SENP5: variants seen among roughly 807,000 people sequenced by gnomAD.
SENP5 encodes the protein SUMO specific peptidase 5, also known as sentrin-specific protease 5.
SENP5 carries 21 observed loss-of-function variants against 74.2 expected under a neutral mutation model. That is an observed-to-expected ratio of 0.28 (90% CI 0.20 to 0.41). The LOEUF (loss-of-function observed/expected upper bound fraction) is 0.41, where lower values mean the gene tolerates loss of function less well. SENP5 is among the 10% of genes least tolerant of loss of function. The pLI, the probability that SENP5 is intolerant of heterozygous loss-of-function variation, is 1.00. For missense variants in SENP5, 717 were observed against 889.1 expected, an observed-to-expected ratio of 0.81 and a Z score of 2.46; for synonymous variants, 311 against 312.7, an observed-to-expected ratio of 0.99 and a Z score of 0.06.
At position 196,874,335 on chromosome 3, in the gene SENP5, T is replaced by G. The variant is rs80310351; in HGVS notation, c.-32+6262T>G. On this transcript the variant is annotated intron_variant, in intron 1 of 9. Coordinates refer to ENST00000323460, the MANE Select transcript of SENP5 (RefSeq NM_152699.5). ...GCTTTACCCAGGCTTCTTGAACAAT[T>G]TTTATATATCGCCTTTTTTGTTCCA... Among the ~76,000 whole-genome samples, 186 of 151,646 alleles carry G rather than the reference T, an allele frequency of 1.2e-3. 6 individuals carry two copies. The East Asian group carries it at 0.03, about 25-fold the overall frequency.
In SENP5 at chr3:196,932,073, TCTC is replaced by T. The variant is rs1256452809; in HGVS notation, c.*1153_*1155del. 1.1e-5 allele frequency: 3 copies of T among 262,560 alleles called. No individual in the cohort carries two copies. The highest frequency in any genetic ancestry group is 5.6e-5 in the Admixed American group (1 of 17,706). The allele number at this position is 262,560 out of a possible 1,614,324, so 16.3% of individuals were successfully genotyped here. On this transcript the variant is annotated 3_prime_UTR_variant, in exon 10 of 10. Transcript: ENST00000323460. ...GTGCTGACACTAGCACAGCTGTTCTTCTCCTTCTGTTGAACCTCATCTTCTGAA... is the reference window on the plus strand; with the variant it reads ...GTGCTGACACTAGCACAGCTGTTCTTCTTCTGTTGAACCTCATCTTCTGAA...
At chr3:196,883,943 C>T (rs1464745936) in intron 1 of SENP5, among the ~76,000 whole-genome samples, 6 of 152,156 alleles carry the variant, frequency 3.9e-5, no homozygotes, top group South Asian at 2.1e-4. Flanking sequence ...CCATCTGCTT[C>T]GGCTTCCCAA....
At chr3:196,897,382 C>T (rs1384492054) in intron 2 of SENP5, among the ~76,000 whole-genome samples, 1 of 152,158 alleles carries the variant, frequency 6.6e-6, no homozygotes, top group Non-Finnish European at 1.5e-5. Flanking sequence ...TTATCTGATA[C>T]CCTGATGAAG....
intron 1 of SENP5, among the ~76,000 whole-genome samples, chr3:196,870,762 TC>T (rs1372687160): frequency 6.6e-6 from 1 of 151,866 alleles, no homozygotes; most frequent in Non-Finnish European, 1.5e-5. Flanking sequence ...AAGTGATCTC[TC>T]CGTCTCAGCC....
Position 196,923,008 on chromosome 3 carries a change from C to T in SENP5, c.1885-406C>T, listed in dbSNP as rs547842114. 3.3e-5 allele frequency among the ~76,000 whole-genome samples: 5 copies of T among 152,298 alleles called. No individual in the cohort carries two copies. The South Asian group carries it at 8.3e-4, about 25-fold the overall frequency. On this transcript the variant is annotated intron_variant, in intron 6 of 9. Coordinates refer to ENST00000323460, the MANE Select transcript of SENP5 (RefSeq NM_152699.5). ...GCTCAAGCAGTTTTTCCGCCTCAGC[C>T]TCCCAATGTACTGGGATTACAGGTG...
intron 6 of SENP5, among the ~76,000 whole-genome samples, chr3:196,911,080 A>T (rs998134035): frequency 6.6e-6 from 1 of 152,246 alleles, no homozygotes; most frequent in South Asian, 2.1e-4. Flanking sequence ...AAGATGAATT[A>T]AAGACTTAAT....
intron 2 of SENP5, 56 bp downstream of exon 2, chr3:196,886,750 T>C: frequency 7.2e-7 from 1 of 1,388,572 alleles, no homozygotes; most frequent in South Asian, 1.5e-5. Flanking sequence ...TGCTGTGCAT[T>C]ATCCTTGCTA....
At chr3:196,873,529 T>G (rs1197987631) in intron 1 of SENP5, among the ~76,000 whole-genome samples, 1 of 152,096 alleles carries the variant, frequency 6.6e-6, no homozygotes, top group Non-Finnish European at 1.5e-5. Flanking sequence ...AAATTATATC[T>G]TTAAAAAATT....
intron 1 of SENP5, among the ~76,000 whole-genome samples, chr3:196,883,895 T>C (rs1713833663): frequency 6.6e-6 from 1 of 152,188 alleles, no homozygotes; most frequent in Non-Finnish European, 1.5e-5. Context: ...TTTCACCATG[T>C]TGGCCAGTCT....
intron 9 of SENP5, among the ~76,000 whole-genome samples, chr3:196,930,464 A>G (rs1231855290): frequency 6.6e-6 from 1 of 152,266 alleles, no homozygotes; most frequent in Non-Finnish European, 1.5e-5. Context: ...TTAAACAGAC[A>G]TGAAAATGCT....
chr3:196,893,876 C>T (rs1014884102), intron 2 of SENP5, among the ~76,000 whole-genome samples: 1 of 148,032 alleles, frequency 6.8e-6, no homozygotes, highest in Non-Finnish European at 1.5e-5. Flanking sequence ...CACCACTGCA[C>T]TCCAGCCTGG....
chr3:196,892,383 G>C (rs1050598519), intron 2 of SENP5, among the ~76,000 whole-genome samples: 9 of 150,334 alleles, frequency 6.0e-5, no homozygotes, highest in African/African-American at 2.2e-4. Context: ...CTCACCTCAA[G>C]TGATCCGCCC....
chr3:196,920,910 C>T (rs550576949), intron 6 of SENP5, among the ~76,000 whole-genome samples: 4 of 152,264 alleles, frequency 2.6e-5, no homozygotes, highest in African/African-American at 9.6e-5. Context: ...AATCACATGA[C>T]AGGACTACAC....
At chr3:196,897,584 C>G (rs939555897) in intron 2 of SENP5, among the ~76,000 whole-genome samples, 2 of 152,212 alleles carry the variant, frequency 1.3e-5, no homozygotes, top group African/African-American at 4.8e-5. Flanking sequence ...TTGTCTGTCT[C>G]TCCCCTCATA....
At chr3:196,898,505 G>A (rs1714546482) in intron 2 of SENP5, among the ~76,000 whole-genome samples, 1 of 151,534 alleles carries the variant, frequency 6.6e-6, no homozygotes, top group Non-Finnish European at 1.5e-5. Context: ...CCAAGCAGGA[G>A]GATGGCTTGA....
chr3:196,905,982 G>A (rs917413718), intron 6 of SENP5, among the ~76,000 whole-genome samples: 3 of 152,212 alleles, frequency 2.0e-5, no homozygotes, highest in African/African-American at 7.2e-5. Flanking sequence ...CACTTTGGAA[G>A]TCTGAGGCAG....
At chr3:196,913,568 CAA>C (rs1259959436) in intron 6 of SENP5, among the ~76,000 whole-genome samples, 1 of 57,984 alleles carries the variant, frequency 1.7e-5, no homozygotes. Context: ...GACTCCATCT[CAA>C]AAAAAAAAAA....
At chr3:196,919,183 C>G (rs1291967748) in intron 6 of SENP5, among the ~76,000 whole-genome samples, 1 of 152,182 alleles carries the variant, frequency 6.6e-6, no homozygotes. Context: ...CATCATTGGA[C>G]TCAAAATCAA....
chr3:196,877,610 A>C (rs1226798533), intron 1 of SENP5, among the ~76,000 whole-genome samples: 1 of 152,194 alleles, frequency 6.6e-6, no homozygotes, highest in Non-Finnish European at 1.5e-5. Context: ...ATAGATACTC[A>C]GCTTTGCAAA....
Sources: gnomAD v4.1 joint callset for allele counts (sites outside exome capture counted in the v4.1 genomes callset) on GRCh38, gnomAD v4.1.1 for gene constraint, MANE v1.5 for transcripts, NCBI Gene and HGNC (gene_info 2026-07-23, HGNC 2026-07-21) for gene names.